Variants in DDX23 observed in about 807,000 individuals in gnomAD.
The protein encoded by DDX23 is probable ATP-dependent RNA helicase DDX23.
A neutral mutation model predicts 102.7 loss-of-function variants in DDX23; 33 were observed. That is an observed-to-expected ratio of 0.32 (90% CI 0.24 to 0.43). The LOEUF (loss-of-function observed/expected upper bound fraction) is 0.43, where lower values mean the gene tolerates loss of function less well. Among genes scored for constraint, DDX23 ranks in the 20% least tolerant of loss-of-function variants. The pLI is 1.00. For missense variants in DDX23, 549 were observed against 1,086.6 expected, an observed-to-expected ratio of 0.51 and a Z score of 6.96; for synonymous variants, 352 against 376.0, an observed-to-expected ratio of 0.94 and a Z score of 0.74.
At chr12:48,844,633 C>CT (rs1175228707) in intron 2 of DDX23, among the ~76,000 whole-genome samples, 143 of 141,382 alleles carry the variant, frequency 1.0e-3, no homozygotes, top group South Asian at 2.1e-3. Flanking sequence ...TCCCTCTCAA[C>CT]TTTTTTTTTT....
rs1938409853 is a variant in DDX23, at chr12:48,832,773, T to G, written c.1804-200A>C. On this transcript the variant is annotated intron_variant, in intron 13 of 16. Transcript: ENST00000308025. The surrounding 1 kb of genome is among the most constrained non-coding windows in gnomAD (Gnocchi z 4.4). ...GCTCATCAAGGCACTTTCCATCTTATGATGACAGGAAGGATTGAGAGCATT... is the reference window on the plus strand; with the variant it reads ...GCTCATCAAGGCACTTTCCATCTTAGGATGACAGGAAGGATTGAGAGCATT... 1.5e-6 allele frequency: 1 copy of G among 649,092 alleles called. No homozygotes were observed. The highest frequency in any genetic ancestry group is 1.8e-5 in the African/African-American group (1 of 54,894). The allele number at this position is 649,092 out of a possible 1,614,324, so 40.2% of individuals were successfully genotyped here. A position where few individuals can be genotyped will look rare whatever the true frequency, so the allele number is the denominator to read the frequency against.
Position 48,832,233 on chromosome 12 carries a change from A to G in DDX23, c.1956-47T>C. 6.2e-7 allele frequency: 1 copy of G among 1,600,632 alleles called. No individual in the cohort carries two copies. The highest frequency in any genetic ancestry group is 8.6e-7 in the Non-Finnish European group (1 of 1,168,244). On this transcript the variant is annotated intron_variant, in intron 14 of 16. Coordinates refer to ENST00000308025, the MANE Select transcript of DDX23 (RefSeq NM_004818.3). The surrounding 1 kb of genome is among the most constrained non-coding windows in gnomAD (Gnocchi z 4.4). ...CAAGATGCATAATACCTCCCACTCCAAGTGAAATGCCCAACCCTCATCTAT... is the reference window on the plus strand; with the variant it reads ...CAAGATGCATAATACCTCCCACTCCGAGTGAAATGCCCAACCCTCATCTAT...
rs1187707504 is a variant in DDX23 at position 48,831,176 on chromosome 12, C to T, written c.2205G>A (p.Met735Ile). 1 of 1,614,208 alleles carries T rather than the reference C, an allele frequency of 6.2e-7. No homozygotes were observed. Among genetic ancestry groups the T allele is most frequent in the Admixed American group, 1.7e-5 (1 of 60,020 alleles). The change falls in exon 16 of 17, where the codon ATG becomes ATA. Residue 735 changes from methionine to isoleucine, a missense_variant. Transcript: ENST00000308025. ...GRGIDIQDVSMVVNYDMAKNI... is the reference protein window; with the variant it reads ...GRGIDIQDVSIVVNYDMAKNI... ...TTTTGGCCATATCATAGTTGACAAC[C>T]ATAGACACATCTTGGATGTCAATAC... is the stretch of plus-strand genomic sequence containing the variant.
At chr12:48,846,263 C>T (rs575919661) in intron 1 of DDX23, among the ~76,000 whole-genome samples, 12 of 152,278 alleles carry the variant, frequency 7.9e-5, no homozygotes, top group South Asian at 4.1e-4. Flanking sequence ...AGTGCCTGGT[C>T]GATTCCTTTT....
chr12:48,845,935 A>C (rs1938660192), intron 1 of DDX23, among the ~76,000 whole-genome samples, 153 bp from the exon 2 acceptor site: 1 of 152,214 alleles, frequency 6.6e-6, no homozygotes, highest in Non-Finnish European at 1.5e-5. Flanking sequence ...TATATAAAGG[A>C]ACTTGTCTGA....
At position 48,843,982 on chromosome 12, in the gene DDX23, T is replaced by G; in HGVS notation, c.278A>C (p.Asp93Ala). 1 of 1,614,168 alleles carries G rather than the reference T, an allele frequency of 6.2e-7. No homozygotes were observed. The highest frequency in any genetic ancestry group is 1.1e-5 in the South Asian group (1 of 91,086). ...CTTGTCCCGTCTGTGCCCATCCTTG[T>G]CTCGATCTCGGTCCTTCTTATTCCG... ...RDRNKKDRDRDKDGHRRDKDR... is the reference protein window; with the variant it reads ...RDRNKKDRDRAKDGHRRDKDR... Residue 93 changes from aspartate (D) to alanine (A), a missense_variant, in exon 3 of 17, where the codon GAC becomes GCC. This residue lies in a region of DDX23 where 241 missense variants were observed against 267.0 expected (regional missense o/e 0.90). Transcript: ENST00000308025.
chr12:48,838,248 C>A (rs1377295671), intron 5 of DDX23, among the ~76,000 whole-genome samples, 168 bp from the exon 6 acceptor site: 1 of 152,222 alleles, frequency 6.6e-6, no homozygotes, highest in African/African-American at 2.4e-5. Flanking sequence ...ATGTCCCCTA[C>A]AGAATTCATA....
chr12:48,849,585 G>C (rs1938725252), intron 1 of DDX23, among the ~76,000 whole-genome samples: 1 of 151,498 alleles, frequency 6.6e-6, no homozygotes, highest in Non-Finnish European at 1.5e-5. Flanking sequence ...CTTGAACCCA[G>C]GAGGTGCGGG....
intron 3 of DDX23, 134 bp downstream of exon 3, chr12:48,843,806 C>G (rs528277261): frequency 2.7e-5 from 24 of 894,138 alleles, no homozygotes; most frequent in African/African-American, 1.5e-4. Context: ...CCTCAGCCTC[C>G]CAAAGTGCTG....
At chr12:48,833,960 A>G (rs1409156382) in intron 12 of DDX23, among the ~76,000 whole-genome samples, 3 of 152,166 alleles carry the variant, frequency 2.0e-5, no homozygotes, top group African/African-American at 7.2e-5. Flanking sequence ...GCAATGCACA[A>G]AGTCAAAGAT....
At chr12:48,850,928 T>C (rs1442852886) in intron 1 of DDX23, among the ~76,000 whole-genome samples, 2 of 151,826 alleles carry the variant, frequency 1.3e-5, no homozygotes, top group Non-Finnish European at 2.9e-5. Flanking sequence ...AGACAGTAAA[T>C]ACAGGCAACT....
intron 5 of DDX23, among the ~76,000 whole-genome samples, chr12:48,838,371 C>G (rs1296677703): frequency 1.3e-5 from 2 of 152,048 alleles, no homozygotes; most frequent in Non-Finnish European, 2.9e-5. Context: ...GGCAACATAG[C>G]AGACCTTGTT....
chr12:48,844,178 C>A, intron 2 of DDX23, 128 bp from the exon 3 acceptor site: 1 of 852,398 alleles, frequency 1.2e-6, no homozygotes. Context: ...GTATCTCTCA[C>A]GGAAATAACG....
rs1221522405 is a variant in DDX23, at chr12:48,845,685, T to C, written c.98A>G (p.Asp33Gly). ...AGATGGGGAAGACTTCCGGTCCCGG[T>C]CTCTATCCCGCTCTCTGTCAGGAGT... ...SRTPDRERDR[D>G]RDRKSSPSKD... Residue 33 changes from aspartate to glycine, a missense_variant, in exon 2 of 17, where the codon GAC becomes GGC. Physicochemically the swap from Asp to Gly is moderately conservative, Grantham distance 94. Around this residue, in one of 4 missense-constraint regions of DDX23, gnomAD observed 241 missense variants for 267.0 expected, o/e 0.90. Transcript: ENST00000308025. 2.5e-6 allele frequency: 4 copies of C among 1,614,234 alleles called. No individual in the cohort carries two copies. The South Asian group carries it at 4.4e-5, about 18-fold the overall frequency.
chr12:48,847,699 C>G (rs1280237102), intron 1 of DDX23, among the ~76,000 whole-genome samples: 1 of 152,012 alleles, frequency 6.6e-6, no homozygotes, highest in Admixed American at 6.6e-5. Flanking sequence ...CATGGTGGTA[C>G]ACGCTACCCA....
chr12:48,837,355 C>T lies in DDX23; in HGVS notation c.792G>A (p.Thr264=), dbSNP rs756909951. The T allele has an allele frequency of 6.1e-5, 99 of 1,614,076 alleles. No individual in the cohort carries two copies. The highest frequency in any genetic ancestry group is 7.0e-5 in the Non-Finnish European group (83 of 1,180,036). Residue 264 remains threonine (T), a synonymous_variant, in exon 8 of 17, where the codon ACG becomes ACA. Transcript: ENST00000308025. ...CAAATTTCCGGTCATTGAGATGTCT[C>T]GTTCGGCGCCGCTTTTTGATGCCAC... ...YLGGIKKRRR[T]RHLNDRKFVF...
At position 48,836,526 on chromosome 12, in the gene DDX23, T is replaced by C. The variant is rs1938469418; in HGVS notation, c.1236+43A>G. 1.9e-6 allele frequency: 3 copies of C among 1,579,618 alleles called. No individual in the cohort carries two copies. Among genetic ancestry groups the C allele is most frequent in the East Asian group, 2.2e-5 (1 of 44,654 alleles). The stretch of plus-strand genomic sequence containing the variant: ...AAAGTTCTCTATTCCCAAACTAGTG[T>C]AGGAACATGTCAGATCTCTTGGGCC... On this transcript the variant is annotated intron_variant, in intron 10 of 16. Transcript: ENST00000308025. The surrounding 1 kb of genome is among the most constrained non-coding windows in gnomAD (Gnocchi z 6.1).
chr12:48,833,917 T>C (rs1256562209), intron 12 of DDX23, among the ~76,000 whole-genome samples: 1 of 152,190 alleles, frequency 6.6e-6, no homozygotes, highest in East Asian at 1.9e-4. Context: ...AGACTTCTCA[T>C]AAAGAGCTCT....
At chr12:48,851,435 T>G (rs2137500662) in intron 1 of DDX23, among the ~76,000 whole-genome samples, 1 of 150,748 alleles carries the variant, frequency 6.6e-6, no homozygotes, top group Non-Finnish European at 1.5e-5. Context: ...ATCGTGCCAT[T>G]GCACTCCAGC....
Sources: gnomAD v4.1 joint callset for allele counts (sites outside exome capture counted in the v4.1 genomes callset) on GRCh38, gnomAD v4.1.1 for gene constraint, gnomAD v4.1.1 regional missense constraint, Gnocchi (gnomAD v3.1) non-coding constraint, MANE v1.5 for transcripts, NCBI Gene and HGNC (gene_info 2026-07-23, HGNC 2026-07-21) for gene names.